FHIT: variants seen among roughly 807,000 people sequenced by gnomAD.
FHIT encodes the protein bis(5'-adenosyl)-triphosphatase.
A neutral mutation model predicts 17.9 loss-of-function variants in FHIT; 19 were observed. The observed-to-expected ratio is 1.06, with a 90% CI of 0.74 to 1.56. The LOEUF is 1.56. Ranked by LOEUF, FHIT falls within the 40% of genes most tolerant of loss-of-function variation. The probability of loss-of-function intolerance (pLI) is 0.00; values close to 1 mark genes in which losing one functional copy is unlikely to be tolerated. For missense variants in FHIT, 248 were observed against 189.2 expected (o/e 1.31, Z -1.82); for synonymous variants, 81 against 69.7 (o/e 1.16, Z -0.81).
intron 4 of FHIT, among the ~76,000 whole-genome samples, chr3:60,736,449 A>G (rs1344645251): frequency 6.6e-6 from 1 of 152,244 alleles, no homozygotes; most frequent in Non-Finnish European, 1.5e-5. Flanking sequence ...CACAATGGGC[A>G]TTATTTGGCA....
chr3:60,825,948 T>C (rs543322542), intron 3 of FHIT, among the ~76,000 whole-genome samples: 6 of 152,212 alleles, frequency 3.9e-5, no homozygotes, highest in African/African-American at 1.4e-4. Flanking sequence ...CAGGACATTA[T>C]TGGTGAAAAT....
intron 3 of FHIT, among the ~76,000 whole-genome samples, chr3:60,842,601 G>GTATATATATA (rs1244347300): frequency 8.4e-6 from 1 of 119,630 alleles, no homozygotes; most frequent in East Asian, 2.0e-4. Context: ...TTAAATGAGT[G>GTATATATATA]TATATATATA....
intron 5 of FHIT, among the ~76,000 whole-genome samples, chr3:60,243,518 C>T (rs1021787505): frequency 6.6e-6 from 1 of 152,042 alleles, no homozygotes; most frequent in African/African-American, 2.4e-5. Flanking sequence ...ACTTTAAGCT[C>T]AACAAATGGC....
intron 5 of FHIT, among the ~76,000 whole-genome samples, chr3:60,347,834 C>T (rs761785231): frequency 6.6e-6 from 1 of 152,112 alleles, no homozygotes; most frequent in Non-Finnish European, 1.5e-5. Context: ...TCTTGGCTCA[C>T]TGCAACCTCC....
At chr3:59,828,911 T>C (rs531464990) in intron 8 of FHIT, among the ~76,000 whole-genome samples, 94 of 151,180 alleles carry the variant, frequency 6.2e-4, no homozygotes, top group African/African-American at 2.3e-3. Context: ...GCAAGACAAA[T>C]TTATTCACAG....
intron 5 of FHIT, 54 bp downstream of exon 5, chr3:60,536,806 G>A (rs2035997344): frequency 6.5e-7 from 1 of 1,538,144 alleles, no homozygotes; most frequent in Non-Finnish European, 8.7e-7. Flanking sequence ...CATTTGGCTG[G>A]TTAGGCTCAG....
At chr3:60,581,544 G>A (rs2037749839) in intron 4 of FHIT, among the ~76,000 whole-genome samples, 1 of 151,912 alleles carries the variant, frequency 6.6e-6, no homozygotes, top group African/African-American at 2.4e-5. Context: ...CTCAATCTCG[G>A]TAAAACCATA....
At chr3:59,939,187 GATC>G (rs935467568) in intron 7 of FHIT, among the ~76,000 whole-genome samples, 36 of 152,292 alleles carry the variant, frequency 2.4e-4, no homozygotes, top group Admixed American at 1.2e-3. Flanking sequence ...ATGAAAAATT[GATC>G]ATGTTTCTTT....
chr3:60,015,915 G>C (rs1166876862), intron 5 of FHIT, among the ~76,000 whole-genome samples: 1 of 151,986 alleles, frequency 6.6e-6, no homozygotes, highest in Admixed American at 6.6e-5. Flanking sequence ...GTTGCTCCTA[G>C]AAAAACAACT....
chr3:60,057,568 A>G, intron 5 of FHIT, among the ~76,000 whole-genome samples: 1 of 152,204 alleles, frequency 6.6e-6, no homozygotes, highest in Non-Finnish European at 1.5e-5. Context: ...TTCTGAAACC[A>G]ACCCAATAAT....
intron 3 of FHIT, among the ~76,000 whole-genome samples, chr3:60,987,127 T>C (rs1371696900): frequency 6.6e-6 from 1 of 152,182 alleles, no homozygotes; most frequent in Non-Finnish European, 1.5e-5. Flanking sequence ...TCAAATTGCC[T>C]TGAAAAGCAG....
chr3:60,886,385 C>A, intron 3 of FHIT, among the ~76,000 whole-genome samples: 1 of 152,228 alleles, frequency 6.6e-6, no homozygotes, highest in Admixed American at 6.5e-5. Flanking sequence ...TGCCTGCAAT[C>A]TTCTTGGCTT....
intron 5 of FHIT, among the ~76,000 whole-genome samples, chr3:60,495,698 C>T (rs562967195): frequency 9.9e-4 from 151 of 152,180 alleles, no homozygotes; most frequent in African/African-American, 2.8e-3. Context: ...AAAAATTTCA[C>T]GGCCTTTTCC....
At chr3:60,527,450 G>C (rs1187272078) in intron 5 of FHIT, among the ~76,000 whole-genome samples, 1 of 152,140 alleles carries the variant, frequency 6.6e-6, no homozygotes, top group Non-Finnish European at 1.5e-5. Flanking sequence ...ATAACTTCAG[G>C]CATTTCAAAA....
chr3:60,111,799 G>C (rs1463316822), intron 5 of FHIT, among the ~76,000 whole-genome samples: 2 of 152,150 alleles, frequency 1.3e-5, no homozygotes, highest in East Asian at 1.9e-4. Context: ...CACATACCGA[G>C]CCTTCTGTTA....
chr3:61,040,907 G>T (rs2033476263), intron 3 of FHIT, among the ~76,000 whole-genome samples: 1 of 152,266 alleles, frequency 6.6e-6, no homozygotes, highest in Admixed American at 6.5e-5. Context: ...CAGGGAGGGA[G>T]CATGTCCATA....
At chr3:60,188,139 T>C (rs1702238179) in intron 5 of FHIT, among the ~76,000 whole-genome samples, 1 of 151,792 alleles carries the variant, frequency 6.6e-6, no homozygotes. Flanking sequence ...GATTTCAACA[T>C]AGTACAATCC....
rs79204918 is a variant in FHIT at position 60,643,053 on chromosome 3, A to T, written c.-17-106074T>A. On this transcript the variant is annotated intron_variant, in intron 4 of 9. Coordinates refer to ENST00000492590, the MANE Select transcript of FHIT (RefSeq NM_002012.4). ...GCTGAACTGGTAGTTCCACGTGGCA[A>T]GGACTATGTGTATCTTTGAGTACCA... Among the ~76,000 whole-genome samples the T allele has an allele frequency of 0.012, 1,767 of 152,280 alleles. 152 individuals are homozygous for T. In the East Asian group the frequency reaches 0.21, roughly 18 times the overall value.
chr3:60,452,107 C>T (rs1415879930), intron 5 of FHIT, among the ~76,000 whole-genome samples: 2 of 152,104 alleles, frequency 1.3e-5, no homozygotes, highest in Non-Finnish European at 2.9e-5. Context: ...TAAATAAATG[C>T]CCAAATCTTG....
Sources: allele counts gnomAD v4.1 joint callset (sites outside exome capture counted in the v4.1 genomes callset), GRCh38; gene constraint gnomAD v4.1.1; transcripts MANE v1.5; gene names NCBI Gene and HGNC (gene_info 2026-07-23, HGNC 2026-07-21).